The following STAT5B variants were observed in gnomAD, a reference collection of about 807,000 sequenced individuals.
STAT5B encodes the protein transcription factor STAT5B.
A neutral mutation model predicts 107.8 loss-of-function variants in STAT5B; 21 were observed. The ratio of observed to expected loss-of-function variants is 0.19; its 90% confidence interval spans 0.14 to 0.28. The LOEUF (loss-of-function observed/expected upper bound fraction) is 0.28. STAT5B is among the 10% of genes least tolerant of loss of function. STAT5B has a pLI of 1.00. For missense variants in STAT5B, 565 were observed against 1,008.2 expected, an observed-to-expected ratio of 0.56 and a Z score of 5.95; for synonymous variants, 325 against 401.7, an observed-to-expected ratio of 0.81 and a Z score of 2.28.
chr17:42,251,073 CA>C (rs201003920), intron 1 of STAT5B, among the ~76,000 whole-genome samples: 14 of 148,892 alleles, frequency 9.4e-5, no homozygotes, highest in Admixed American at 2.7e-4. Flanking sequence ...TTTGACAATC[CA>C]AAAAAAAAGG....
intron 1 of STAT5B, among the ~76,000 whole-genome samples, chr17:42,259,639 T>C (rs1255279108): frequency 3.3e-5 from 5 of 151,784 alleles, no homozygotes; most frequent in African/African-American, 1.2e-4. Context: ...ATACAAAAAT[T>C]AGCCGGGCGT....
chr17:42,220,391 CG>C (rs2080214759), intron 5 of STAT5B, among the ~76,000 whole-genome samples: 3 of 152,152 alleles, frequency 2.0e-5, no homozygotes, highest in Admixed American at 6.5e-5. Context: ...TCTTGGTTAA[CG>C]GGGAACAGGA....
chr17:42,215,972 G>A lies in STAT5B; in HGVS notation c.1473+42C>T, dbSNP rs16967580. 2.6e-3 allele frequency: 4,201 copies of A among 1,590,526 alleles called. 93 individuals carry two copies. In the African/African-American group the frequency reaches 0.05, roughly 19 times the overall value. On this transcript the variant is annotated intron_variant, in intron 12 of 18. Transcript: ENST00000293328. ...ATACATAAATGAGATTCATGACACC[G>A]GCATTGATTTTGGGACCCACATGCC... is the stretch of plus-strand genomic sequence containing the variant.
chr17:42,210,869 G>A (rs1381486453), intron 13 of STAT5B, among the ~76,000 whole-genome samples: 1 of 152,142 alleles, frequency 6.6e-6, no homozygotes. Context: ...ACACCTTGGG[G>A]GTGGGGGGTG....
chr17:42,207,392 C>G (rs1319645981), intron 16 of STAT5B, among the ~76,000 whole-genome samples, 166 bp downstream of exon 16: 2 of 151,800 alleles, frequency 1.3e-5, no homozygotes, highest in African/African-American at 4.8e-5. Flanking sequence ...GAATCCAGCC[C>G]AAGGTTTACA....
upstream of STAT5B, among the ~76,000 whole-genome samples, chr17:42,276,900 C>T (rs2080771827): frequency 1.3e-5 from 2 of 152,226 alleles, no homozygotes; most frequent in African/African-American, 2.4e-5. This position sits in a 1 kb window ranked among gnomAD's most constrained non-coding sequence, Gnocchi z 4.8. Context: ...CCCGGGAGGG[C>T]GTCTCAGCCA....
intron 1 of STAT5B, among the ~76,000 whole-genome samples, chr17:42,238,118 CCA>C (rs2080371454): frequency 6.6e-6 from 1 of 151,158 alleles, no homozygotes; most frequent in Admixed American, 6.6e-5. Context: ...ATCCATCCAT[CCA>C]TCCATCCATC....
At chr17:42,241,674 C>T (rs553220780) in intron 1 of STAT5B, among the ~76,000 whole-genome samples, 7 of 152,186 alleles carry the variant, frequency 4.6e-5, no homozygotes, top group African/African-American at 1.4e-4. Context: ...AACTCCTGAC[C>T]TCAAGTGATC....
intron 1 of STAT5B, among the ~76,000 whole-genome samples, chr17:42,239,712 AAC>A (rs2080386990): frequency 6.6e-6 from 1 of 152,218 alleles, no homozygotes; most frequent in African/African-American, 2.4e-5. Flanking sequence ...AACATGGTGA[AAC>A]AGTTTTGGAA....
chr17:42,287,064 G>C, the STAT5B span, among the ~76,000 whole-genome samples: 1 of 152,136 alleles, frequency 6.6e-6, no homozygotes, highest in Non-Finnish European at 1.5e-5. Flanking sequence ...GGGAAGCAAG[G>C]CTTCCCTACA....
chr17:42,219,204 G>A (rs2080201711), intron 7 of STAT5B, 108 bp downstream of exon 7: 36 of 1,450,168 alleles, frequency 2.5e-5, no homozygotes, highest in Non-Finnish European at 3.0e-5. Context: ...AACAAGAGCT[G>A]TCCCAGGATG....
rs1598295433 is a variant in STAT5B at position 42,207,470 on chromosome 17, A to G, written c.2077+88T>C. The G allele has an allele frequency of 4.0e-6, 6 of 1,514,024 alleles. No individual in the cohort carries two copies. The East Asian group carries it at 1.4e-4, about 34-fold the overall frequency. The allele number at this position is 1,514,024 out of a possible 1,614,324, so 93.8% of individuals were successfully genotyped here. A position where few individuals can be genotyped will look rare whatever the true frequency, so the allele number is the denominator to read the frequency against. The stretch of plus-strand genomic sequence containing the variant: ...TTGTGTGGGTTTTCACACAAGAGAG[A>G]TAACACACGCAGGTATGCACACACA... On this transcript the variant is annotated intron_variant, in intron 16 of 18. Transcript: ENST00000293328.
At chr17:42,247,688 C>T (rs1567671478) in intron 1 of STAT5B, among the ~76,000 whole-genome samples, 1 of 152,102 alleles carries the variant, frequency 6.6e-6, no homozygotes, top group African/African-American at 2.4e-5. Flanking sequence ...TGGCTCACAC[C>T]TGTAATCTCA....
At chr17:42,271,794 A>G (rs1024832952) in intron 1 of STAT5B, 1 of 152,254 alleles carries the variant, frequency 6.6e-6, no homozygotes, top group African/African-American at 2.4e-5. Flanking sequence ...ACCATCTTGT[A>G]TGTGACAAAT....
At chr17:42,283,834 AGGTGG>A in the STAT5B span, among the ~76,000 whole-genome samples, 12 of 152,080 alleles carry the variant, frequency 7.9e-5, no homozygotes, top group Admixed American at 7.2e-4. Context: ...CTGGCCTCAG[AGGTGG>A]GGTATACTCT....
chr17:42,235,009 A>G (rs2080345938), intron 1 of STAT5B: 1 of 152,246 alleles, frequency 6.6e-6, no homozygotes, highest in African/African-American at 2.4e-5. Flanking sequence ...CATAGCTCTC[A>G]ATGAATATGT....
chr17:42,281,463 T>C (rs1455870460), upstream of STAT5B, among the ~76,000 whole-genome samples: 2 of 152,198 alleles, frequency 1.3e-5, no homozygotes, highest in Non-Finnish European at 2.9e-5. Flanking sequence ...AAATAGACAG[T>C]TTTTTTAAAG....
chr17:42,234,014 G>GA (rs1397649882), intron 1 of STAT5B: 1 of 152,166 alleles, frequency 6.6e-6, no homozygotes, highest in East Asian at 1.9e-4. Flanking sequence ...CCATAATGTA[G>GA]AGTTTGGTAT....
chr17:42,262,015 C>T (rs963134760), intron 1 of STAT5B, among the ~76,000 whole-genome samples: 24 of 152,200 alleles, frequency 1.6e-4, no homozygotes, highest in South Asian at 1.5e-3. Flanking sequence ...TAGATTTTTA[C>T]TTAATTAAAT....
Sources: gnomAD v4.1 joint callset for allele counts (sites outside exome capture counted in the v4.1 genomes callset) on GRCh38, gnomAD v4.1.1 for gene constraint, Gnocchi (gnomAD v3.1) non-coding constraint, MANE v1.5 for transcripts, NCBI Gene and HGNC (gene_info 2026-07-23, HGNC 2026-07-21) for gene names.